The following PRKX variants were observed in gnomAD, a reference collection of about 807,000 sequenced individuals.
PRKX encodes the protein cAMP-dependent protein kinase catalytic subunit PRKX.
A neutral mutation model predicts 22.0 loss-of-function variants in PRKX; 12 were observed. The observed-to-expected ratio is 0.54, with a 90% CI of 0.35 to 0.88. The LOEUF (loss-of-function observed/expected upper bound fraction) is 0.88, where lower values mean the gene tolerates loss of function less well. Among genes scored for constraint, PRKX ranks in the 40% least tolerant of loss-of-function variants. The pLI is 0.01. For synonymous variants in PRKX, 134 were observed against 137.7 expected (o/e 0.97, Z 0.19); for missense variants, 217 against 308.0 (o/e 0.70, Z 2.21).
chrX:3,626,641 A>C, intron 4 of PRKX, 127 bp from the exon 5 acceptor site: 1 of 553,755 alleles, frequency 1.8e-6, no homozygotes, highest in Non-Finnish European at 3.0e-6. Flanking sequence ...TCTTCCCCGC[A>C]CACTGAAGTT....
At position 3,661,673 on chromosome X, in the gene PRKX, G is replaced by A. The variant is rs529867736; in HGVS notation, c.336-6261C>T. Among the ~76,000 whole-genome samples, 6 of 111,354 alleles carry A rather than the reference G, an allele frequency of 5.4e-5. No homozygotes were observed. The South Asian group carries it at 2.3e-3, about 42-fold the overall frequency. On this transcript the variant is annotated intron_variant, in intron 2 of 8. Transcript: ENST00000262848. ...TATCACTAAAGATAAGGAACAAAAT[G>A]TTGAAAGAGATACTGACTTTACTAT... is the stretch of plus-strand genomic sequence containing the variant.
chrX:3,663,752 A>G (rs1016162006), intron 2 of PRKX, among the ~76,000 whole-genome samples: 1 of 110,946 alleles, frequency 9.0e-6, no homozygotes, highest in African/African-American at 3.3e-5. Context: ...AGGACCACCT[A>G]TGAAATGGGG....
At chrX:3,618,626 AAAAAT>A (rs760685246) in intron 6 of PRKX, among the ~76,000 whole-genome samples, 23 of 94,444 alleles carry the variant, frequency 2.4e-4, no homozygotes, top group South Asian at 8.2e-4. Flanking sequence ...AATTTAAAAA[AAAAAT>A]AAAATAAAGT....
intron 8 of PRKX, among the ~76,000 whole-genome samples, chrX:3,610,197 T>A (rs1375473374): frequency 8.9e-6 from 1 of 112,074 alleles, no homozygotes; most frequent in Non-Finnish European, 1.9e-5. Flanking sequence ...ATATTGCATC[T>A]GGGCCAGGCA....
chrX:3,640,152 G>T (rs1432815918), intron 4 of PRKX, among the ~76,000 whole-genome samples: 1 of 109,576 alleles, frequency 9.1e-6, no homozygotes, highest in Non-Finnish European at 1.9e-5. Flanking sequence ...GCTGGTGTCT[G>T]TCTTTGAGAC....
intron 6 of PRKX, among the ~76,000 whole-genome samples, chrX:3,617,652 A>G (rs1438338432): frequency 1.8e-5 from 2 of 110,108 alleles, no homozygotes; most frequent in Non-Finnish European, 3.8e-5. Flanking sequence ...TCTTGAAAAA[A>G]TAAAAATAAA....
chrX:3,612,085 G>A, intron 8 of PRKX, 92 bp downstream of exon 8: 1 of 847,092 alleles, frequency 1.2e-6, no homozygotes, highest in Non-Finnish European at 1.6e-6. Flanking sequence ...CTGTGTGCAT[G>A]AGGTTAAGCC....
At chrX:3,662,280 G>C (rs889350755) in intron 2 of PRKX, among the ~76,000 whole-genome samples, 11 of 111,622 alleles carry the variant, frequency 9.9e-5, no homozygotes, top group African/African-American at 3.3e-4. Flanking sequence ...AGAGCTGGAG[G>C]CCAGGTGCGG....
chrX:3,620,833 A>AG (rs201503370), intron 6 of PRKX, among the ~76,000 whole-genome samples: 1,231 of 112,105 alleles, frequency 0.011, 20 homozygotes, highest in African/African-American at 0.037. Flanking sequence ...GATTAACCAC[A>AG]GGGGTGGCTG....
intron 1 of PRKX, among the ~76,000 whole-genome samples, chrX:3,696,187 G>A (rs1314179610): frequency 9.1e-6 from 1 of 110,034 alleles, no homozygotes; most frequent in Non-Finnish European, 1.9e-5. Flanking sequence ...GTGAGAAGGC[G>A]CCGTCTATGA....
chrX:3,701,708 C>T (rs1320981141), intron 1 of PRKX, among the ~76,000 whole-genome samples: 1 of 111,409 alleles, frequency 9.0e-6, no homozygotes, highest in Non-Finnish European at 1.9e-5. Flanking sequence ...GAGGTCAGCA[C>T]AAGATGCCGG....
At chrX:3,654,501 A>T (rs1238787965) in intron 3 of PRKX, among the ~76,000 whole-genome samples, 1 of 83,123 alleles carries the variant, frequency 1.2e-5, no homozygotes, top group Non-Finnish European at 2.2e-5. Context: ...TTGAGATAGG[A>T]TCTTGCTCTT....
chrX:3,678,671 G>A (rs1454491393), intron 1 of PRKX, among the ~76,000 whole-genome samples: 1 of 111,757 alleles, frequency 8.9e-6, no homozygotes, highest in Non-Finnish European at 1.9e-5. Context: ...CTTACTCAAA[G>A]CAGACAGAAG....
At chrX:3,609,150 G>A (rs1053367054) in intron 8 of PRKX, among the ~76,000 whole-genome samples, 2 of 111,222 alleles carry the variant, frequency 1.8e-5, no homozygotes, top group Non-Finnish European at 1.9e-5. Context: ...ATGTTTTAAA[G>A]GTAAGGGGTT....
rs1221548804 is a variant in PRKX, at chrX:3,685,796, A to C, written c.167-11030T>G. ...CTCGGTGGCGCATGTCTGTAATCCC[A>C]GCACTTTGGAAGGCCAAGGCAGGTG... On this transcript the variant is annotated intron_variant, in intron 1 of 8. Transcript: ENST00000262848. Among the ~76,000 whole-genome samples, 32 of 111,858 alleles carry C rather than the reference A, an allele frequency of 2.9e-4. No individual in the cohort carries two copies. The Admixed American group carries it at 3.0e-3, about 11-fold the overall frequency.
chrX:3,674,757 G>T lies in PRKX; in HGVS notation c.176C>A (p.Thr59Lys). 1 of 1,210,690 alleles carries T rather than the reference G, an allele frequency of 8.3e-7. No homozygotes were observed. The highest frequency in any genetic ancestry group is 1.1e-6 in the Non-Finnish European group (1 of 894,388). Reference protein sequence around the residue: ...FDTLATVGTGTFGRVHLVKEK... With the variant: ...FDTLATVGTGKFGRVHLVKEK... ...CTTCACCAGGTGCACCCGCCCGAAC[G>T]TCCCAGTGCCTGGAGAGAGAAGAAA... is the stretch of plus-strand genomic sequence containing the variant. The change falls in exon 2 of 9, where the codon ACG (threonine) becomes AAG (lysine). Residue 59 changes from threonine (T) to lysine (K), a missense_variant. Thr to Lys is a moderately conservative substitution (Grantham distance 78, BLOSUM62 -1). Coordinates refer to ENST00000262848, the MANE Select transcript of PRKX (RefSeq NM_005044.5).
At chrX:3,696,613 A>T (rs1928446736) in intron 1 of PRKX, among the ~76,000 whole-genome samples, 1 of 112,081 alleles carries the variant, frequency 8.9e-6, no homozygotes, top group African/African-American at 3.2e-5. Flanking sequence ...TGTCTTTCTC[A>T]CCATCGTAAA....
chrX:3,614,522 C>T (rs1303644440), intron 7 of PRKX, among the ~76,000 whole-genome samples: 1 of 111,203 alleles, frequency 9.0e-6, no homozygotes, highest in Non-Finnish European at 1.9e-5. Flanking sequence ...CTAAGCCAGA[C>T]GCAGAATGAG....
At chrX:3,652,948 C>T (rs1005527922) in intron 3 of PRKX, among the ~76,000 whole-genome samples, 2 of 111,108 alleles carry the variant, frequency 1.8e-5, no homozygotes, top group African/African-American at 6.5e-5. Context: ...GCCCTGCCCA[C>T]ACCTGGATCT....
Sources: allele counts gnomAD v4.1 joint callset (sites outside exome capture counted in the v4.1 genomes callset), GRCh38; gene constraint gnomAD v4.1.1; transcripts MANE v1.5; gene names NCBI Gene and HGNC (gene_info 2026-07-23, HGNC 2026-07-21).